Variants in PTPRT observed in about 807,000 individuals in gnomAD.
The protein encoded by PTPRT is receptor-type tyrosine-protein phosphatase T.
A neutral mutation model predicts 176.8 loss-of-function variants in PTPRT; 56 were observed. The observed-to-expected ratio is 0.32, with a 90% CI of 0.26 to 0.40. The LOEUF is 0.40. PTPRT is among the 10% of genes least tolerant of loss of function. PTPRT has a pLI of 1.00. For synonymous variants in PTPRT, 783 were observed against 739.0 expected, an observed-to-expected ratio of 1.06 and a Z score of -0.96; for missense variants, 1,540 against 1,908.2, an observed-to-expected ratio of 0.81 and a Z score of 3.60.
intron 9 of PTPRT, among the ~76,000 whole-genome samples, chr20:42,353,447 G>T (rs1339001410): frequency 6.6e-6 from 1 of 152,106 alleles, no homozygotes; most frequent in Admixed American, 6.5e-5. Flanking sequence ...GTTTGTCTAT[G>T]GTATATGAAG....
intron 1 of PTPRT, among the ~76,000 whole-genome samples, chr20:42,904,673 GCCCAAATGTTGCACTT>G (rs907720272): frequency 6.6e-6 from 1 of 152,058 alleles, no homozygotes; most frequent in Admixed American, 6.6e-5. Flanking sequence ...CTGTTTTCAT[GCCCAAATGTTGCACTT>G]CCCAAGACCA....
At chr20:42,824,452 C>T (rs1195689966) in intron 2 of PTPRT, among the ~76,000 whole-genome samples, 2 of 151,820 alleles carry the variant, frequency 1.3e-5, no homozygotes, top group African/African-American at 2.4e-5. Flanking sequence ...GAAGAAAGAA[C>T]ATCAATAGAC....
At chr20:42,941,005 C>G (rs1001763601) in intron 1 of PTPRT, among the ~76,000 whole-genome samples, 1 of 151,852 alleles carries the variant, frequency 6.6e-6, no homozygotes, top group African/African-American at 2.4e-5. Flanking sequence ...TCGCTTGAAC[C>G]TGGGAGACGG....
At chr20:43,087,072 T>C (rs1350516163) in intron 1 of PTPRT, among the ~76,000 whole-genome samples, 2 of 152,210 alleles carry the variant, frequency 1.3e-5, no homozygotes, top group Non-Finnish European at 2.9e-5. Context: ...CCCCTCCCCA[T>C]TTCCCCAGTC....
At chr20:42,497,418 G>A (rs918584197) in intron 7 of PTPRT, among the ~76,000 whole-genome samples, 12 of 151,654 alleles carry the variant, frequency 7.9e-5, no homozygotes, top group African/African-American at 2.7e-4. Flanking sequence ...GCCTCTTGGT[G>A]GGCAAAAGCT....
intron 9 of PTPRT, among the ~76,000 whole-genome samples, chr20:42,357,307 T>C (rs2058371149): frequency 6.6e-6 from 1 of 152,188 alleles, no homozygotes; most frequent in South Asian, 2.1e-4. Flanking sequence ...CTGCCTAAAA[T>C]ATTTATTTTC....
chr20:42,086,917 TGCC>T (rs1984023697), intron 27 of PTPRT, among the ~76,000 whole-genome samples: 1 of 150,654 alleles, frequency 6.6e-6, no homozygotes, highest in Non-Finnish European at 1.5e-5. Context: ...TGACAGATCT[TGCC>T]TATGATTCTT....
intron 8 of PTPRT, among the ~76,000 whole-genome samples, chr20:42,454,325 T>C (rs1234838979): frequency 6.6e-6 from 1 of 152,182 alleles, no homozygotes; most frequent in Non-Finnish European, 1.5e-5. Context: ...TGATTGAACA[T>C]ATATATAAGA....
intron 13 of PTPRT, among the ~76,000 whole-genome samples, chr20:42,250,693 A>T (rs937367306): frequency 3.3e-5 from 5 of 152,204 alleles, no homozygotes; most frequent in Non-Finnish European, 7.3e-5. Flanking sequence ...AAATTATAAC[A>T]TAATATGAGG....
At chr20:42,709,721 T>C (rs980403127) in intron 6 of PTPRT, among the ~76,000 whole-genome samples, 1 of 152,154 alleles carries the variant, frequency 6.6e-6, no homozygotes, top group Non-Finnish European at 1.5e-5. Flanking sequence ...GGGCAGAGGC[T>C]GGAAGAGTTT....
chr20:42,987,605 A>G (rs1042943320), intron 1 of PTPRT, among the ~76,000 whole-genome samples: 3 of 152,026 alleles, frequency 2.0e-5, no homozygotes, highest in African/African-American at 7.2e-5. Context: ...ACCAAATGTC[A>G]GCCACCTCAG....
intron 1 of PTPRT, among the ~76,000 whole-genome samples, chr20:42,937,459 G>T (rs920745871): frequency 6.6e-6 from 1 of 152,224 alleles, no homozygotes; most frequent in Non-Finnish European, 1.5e-5. Flanking sequence ...CTGTAAACTT[G>T]CAGTGATGGG....
chr20:42,424,725 T>C (rs1417132628), intron 9 of PTPRT, among the ~76,000 whole-genome samples: 1 of 151,600 alleles, frequency 6.6e-6, no homozygotes, highest in Non-Finnish European at 1.5e-5. Context: ...GACTTTGCCA[T>C]AGCAGCCATG....
At chr20:42,778,787 C>A (rs1360814696) in intron 4 of PTPRT, among the ~76,000 whole-genome samples, 4 of 152,180 alleles carry the variant, frequency 2.6e-5, no homozygotes, top group African/African-American at 9.7e-5. Context: ...ACTACATAAA[C>A]CCTGCATAGC....
intron 1 of PTPRT, among the ~76,000 whole-genome samples, chr20:42,958,516 A>G (rs989007942): frequency 2.6e-5 from 4 of 151,254 alleles, no homozygotes; most frequent in Admixed American, 6.6e-5. Context: ...CTACAGAAAA[A>G]CATCAAAAGT....
intron 1 of PTPRT, among the ~76,000 whole-genome samples, chr20:43,132,545 C>G (rs1232293864): frequency 6.6e-6 from 1 of 152,142 alleles, no homozygotes; most frequent in Non-Finnish European, 1.5e-5. Flanking sequence ...TCAAAAGTCT[C>G]AATTTATGAA....
At chr20:42,463,372 T>C (rs902813175) in intron 8 of PTPRT, among the ~76,000 whole-genome samples, 2 of 152,174 alleles carry the variant, frequency 1.3e-5, no homozygotes, top group Admixed American at 6.5e-5. Context: ...GACAGAGTTC[T>C]ACAACAAAGG....
intron 9 of PTPRT, among the ~76,000 whole-genome samples, chr20:42,365,495 C>G (rs1171695187): frequency 6.6e-6 from 1 of 152,002 alleles, no homozygotes; most frequent in Non-Finnish European, 1.5e-5. Flanking sequence ...CCACTACCAC[C>G]AAGAACCAAT....
chr20:42,581,071 C>T (rs937349062), intron 7 of PTPRT, among the ~76,000 whole-genome samples: 2 of 152,176 alleles, frequency 1.3e-5, no homozygotes, highest in South Asian at 2.1e-4. Context: ...GGCCCCCTAG[C>T]TTCCTTGCTG....
Sources: gnomAD v4.1 joint callset for allele counts (sites outside exome capture counted in the v4.1 genomes callset) on GRCh38, gnomAD v4.1.1 for gene constraint, MANE v1.5 for transcripts, NCBI Gene and HGNC (gene_info 2026-07-23, HGNC 2026-07-21) for gene names.